Variants in RNF157 observed in about 807,000 individuals in gnomAD.
RNF157 encodes the protein ring finger protein 157.
RNF157 carries 55 observed loss-of-function variants against 88.3 expected under a neutral mutation model. The ratio of observed to expected loss-of-function variants is 0.62; its 90% CI spans 0.50 to 0.78. The LOEUF (loss-of-function observed/expected upper bound fraction) is 0.78. Among genes scored for constraint, RNF157 ranks in the 30% least tolerant of loss-of-function variants. The pLI is 0.00. For missense variants in RNF157, 788 were observed against 860.8 expected (o/e 0.92, Z 1.06); for synonymous variants, 334 against 341.2 (o/e 0.98, Z 0.23).
intron 1 of RNF157, among the ~76,000 whole-genome samples, chr17:76,239,350 G>C (rs554425034): frequency 1.3e-5 from 2 of 152,062 alleles, no homozygotes; most frequent in East Asian, 3.9e-4. Context: ...CAATCCAGAG[G>C]CTAGAGACAT....
At chr17:76,224,572 C>T (rs2070044451) in intron 1 of RNF157, among the ~76,000 whole-genome samples, 1 of 152,114 alleles carries the variant, frequency 6.6e-6, no homozygotes, top group Admixed American at 6.6e-5. Flanking sequence ...TATAATGCTA[C>T]AGTGCTGCTT....
chr17:76,203,875 C>T (rs57614769), intron 2 of RNF157, among the ~76,000 whole-genome samples: 3,107 of 151,202 alleles, frequency 0.021, 96 homozygotes, highest in African/African-American at 0.068. Flanking sequence ...TCACGCCATT[C>T]TCCTGCCTCA....
chr17:76,216,900 C>T (rs369244581), intron 1 of RNF157, among the ~76,000 whole-genome samples: 3 of 150,890 alleles, frequency 2.0e-5, no homozygotes, highest in African/African-American at 7.3e-5. Flanking sequence ...CAAAAAAAAA[C>T]AAAAACAAAA....
At chr17:76,218,793 G>C (rs769829355) in intron 1 of RNF157, among the ~76,000 whole-genome samples, 4 of 152,036 alleles carry the variant, frequency 2.6e-5, no homozygotes, top group Admixed American at 2.6e-4. Context: ...AATTAGCCGG[G>C]AGTGATGGCA....
intron 1 of RNF157, among the ~76,000 whole-genome samples, chr17:76,239,124 A>C (rs9903178): frequency 0.3 from 44,860 of 152,062 alleles, 7,229 homozygotes; most frequent in East Asian, 0.46. Context: ...CAAAATCTCC[A>C]TCGGGTCCTA....
rs748174557 is a variant in RNF157 at position 76,145,398 on chromosome 17, A to G, written c.1922-45T>C. On this transcript the variant is annotated intron_variant, in intron 18 of 18. Coordinates refer to ENST00000269391, the MANE Select transcript of RNF157 (RefSeq NM_052916.3). ...CATTACAGGAGCCAGACCTTTGGCC[A>G]AATCCAGATGGTGTCTCCAGCAGGG... 14 of 1,484,356 alleles carry G rather than the reference A, an allele frequency of 9.4e-6. No individual in the cohort carries two copies. In the South Asian group the frequency reaches 1.5e-4, roughly 16 times the overall value. The allele number at this position is 1,484,356 out of a possible 1,614,324, so 91.9% of individuals were successfully genotyped here.
chr17:76,205,774 C>T (rs1248915034), intron 2 of RNF157, among the ~76,000 whole-genome samples: 1 of 147,730 alleles, frequency 6.8e-6, no homozygotes, highest in African/African-American at 2.7e-5. Context: ...ATAATAATGC[C>T]AGCTGTGCAG....
Position 76,159,417 on chromosome 17 carries a change from G to A in RNF157, c.1222C>T (p.Pro408Ser). 2 of 1,613,264 alleles carry A rather than the reference G, an allele frequency of 1.2e-6. No individual in the cohort carries two copies. Among genetic ancestry groups the A allele is most frequent in the African/African-American group, 1.3e-5 (1 of 75,036 alleles). ...AGAGGCGAGATCGTCCTGACGGGGG[G>A]CAGGTGGCCATCACTGCCATATGAA... ...LPSYGSDGHLPPVRTISPLDR... is the reference protein window; with the variant it reads ...LPSYGSDGHLSPVRTISPLDR... Residue 408 changes from proline to serine, a missense_variant, in exon 12 of 19, where the codon CCC (proline) becomes TCC (serine). Transcript: ENST00000269391.
Position 76,225,829 on chromosome 17 carries a change from G to A in RNF157, c.89-13347C>T, listed in dbSNP as rs138062162. The A allele has an allele frequency of 3.1e-5, 49 of 1,604,496 alleles. No individual in the cohort carries two copies. The African/African-American group carries it at 5.5e-4, about 18-fold the overall frequency. On this transcript the variant is annotated intron_variant, in intron 1 of 18. Transcript: ENST00000269391. Reference sequence around the variant, plus strand: ...TCAGGTACTGGATCTCCTTGGCCAGGGAATCTGCCCTCTCTTTTAGAGCCT... The same window carrying A: ...TCAGGTACTGGATCTCCTTGGCCAGAGAATCTGCCCTCTCTTTTAGAGCCT...
At position 76,144,004 on chromosome 17, in the gene RNF157, C is replaced by T. The variant is rs571109160; in HGVS notation, c.*1231G>A. On this transcript the variant is annotated 3_prime_UTR_variant, in exon 19 of 19. Transcript: ENST00000269391. ...GCTGCTGCCTGAACTTAGCTCAAGGCTCTCCATCACTTCCTTTGGGGACCT... is the reference window on the plus strand; with the variant it reads ...GCTGCTGCCTGAACTTAGCTCAAGGTTCTCCATCACTTCCTTTGGGGACCT... The T allele has an allele frequency of 1.3e-5, 2 of 152,216 alleles. No individual in the cohort carries two copies. Among genetic ancestry groups the T allele is most frequent in the Non-Finnish European group, 2.9e-5 (2 of 68,114 alleles). 9.4% of individuals were successfully genotyped at this position (152,216 alleles called of 1,614,324 possible). A position where few individuals can be genotyped will look rare whatever the true frequency, so the allele number is the denominator to read the frequency against.
chr17:76,154,082 C>T, intron 17 of RNF157: 1 of 580,996 alleles, frequency 1.7e-6, no homozygotes, highest in Non-Finnish European at 3.1e-6. Flanking sequence ...CTCTGAGGCC[C>T]AGAAAGAGCT....
chr17:76,192,319 T>C (rs1233744644), intron 2 of RNF157, among the ~76,000 whole-genome samples: 2 of 152,212 alleles, frequency 1.3e-5, no homozygotes, highest in Non-Finnish European at 2.9e-5. Flanking sequence ...AGTTCCTTTC[T>C]CCAAGCTTTT....
intron 2 of RNF157, among the ~76,000 whole-genome samples, chr17:76,177,538 C>T (rs780487664): frequency 2.4e-4 from 36 of 151,794 alleles, no homozygotes; most frequent in African/African-American, 8.2e-4. Flanking sequence ...GGGGGAGAGG[C>T]GAGGGGGTGC....
intron 2 of RNF157, among the ~76,000 whole-genome samples, chr17:76,205,933 C>T (rs1034596036): frequency 5.9e-5 from 9 of 152,042 alleles, no homozygotes; most frequent in African/African-American, 2.2e-4. Context: ...CTCCTGCCTA[C>T]AAAAGGCAGG....
chr17:76,224,609 C>A (rs553394440), intron 1 of RNF157, among the ~76,000 whole-genome samples: 1 of 152,116 alleles, frequency 6.6e-6, no homozygotes, highest in East Asian at 1.9e-4. Flanking sequence ...AGTTTTCCCC[C>A]TAGAGCAAGG....
chr17:76,162,822 T>G, intron 8 of RNF157, 199 bp from the exon 9 acceptor site: 2 of 487,402 alleles, frequency 4.1e-6, no homozygotes, highest in Non-Finnish European at 7.2e-6. Context: ...AATCAAATAT[T>G]TAATTCACCC....
chr17:76,202,483 A>C (rs1309987627), intron 2 of RNF157, among the ~76,000 whole-genome samples: 2 of 152,234 alleles, frequency 1.3e-5, no homozygotes, highest in Non-Finnish European at 2.9e-5. Flanking sequence ...GTCATAAATC[A>C]AATGTAATCA....
intron 2 of RNF157, among the ~76,000 whole-genome samples, chr17:76,199,998 G>A (rs1383127595): frequency 6.6e-6 from 1 of 152,154 alleles, no homozygotes; most frequent in Non-Finnish European, 1.5e-5. Context: ...AGCACTTTGG[G>A]AGGCCGAGGC....
At chr17:76,166,427 G>A in intron 6 of RNF157, 34 bp downstream of exon 6, 1 of 1,574,116 alleles carries the variant, frequency 6.4e-7, no homozygotes, top group Non-Finnish European at 8.7e-7. Flanking sequence ...AAAGAGCAGT[G>A]TGCACAGCCA....
Sources: gnomAD v4.1 joint callset for allele counts (sites outside exome capture counted in the v4.1 genomes callset) on GRCh38, gnomAD v4.1.1 for gene constraint, MANE v1.5 for transcripts, NCBI Gene and HGNC (gene_info 2026-07-23, HGNC 2026-07-21) for gene names.